Variants in DRC11 observed in about 807,000 individuals in gnomAD.
DRC11 encodes the protein dynein regulatory complex subunit 11.
chr2:236,435,666 C>T, the DRC11 span, among the ~76,000 whole-genome samples: 1 of 152,140 alleles, frequency 6.6e-6, no homozygotes, highest in Non-Finnish European at 1.5e-5. Flanking sequence ...CTTGTGAGAA[C>T]TCAGGATCAC....
At chr2:236,342,721 C>T in the DRC11 span, among the ~76,000 whole-genome samples, 1 of 152,160 alleles carries the variant, frequency 6.6e-6, no homozygotes, top group African/African-American at 2.4e-5. The surrounding 1 kb of genome is among the most constrained non-coding windows in gnomAD (Gnocchi z 5.8). Context: ...GGTGGAAATA[C>T]TGGGGGTGGG....
chr2:236,309,152 G>A, the DRC11 span, among the ~76,000 whole-genome samples: 1,088 of 152,270 alleles, frequency 7.1e-3, 11 homozygotes, highest in African/African-American at 0.024. This position sits in a 1 kb window ranked among gnomAD's most constrained non-coding sequence, Gnocchi z 5.7. Context: ...ATAAGCAGCC[G>A]CACAGTGGCC....
the DRC11 span, among the ~76,000 whole-genome samples, chr2:236,430,328 C>T: frequency 5.1e-4 from 77 of 152,130 alleles, no homozygotes; most frequent in African/African-American, 1.3e-3. This position sits in a 1 kb window ranked among gnomAD's most constrained non-coding sequence, Gnocchi z 6.0. Flanking sequence ...ATTTATTTTA[C>T]CTGCACTCTT....
chr2:236,465,773 C>A, the DRC11 span: 1 of 1,004,688 alleles, frequency 1.0e-6, no homozygotes. The surrounding 1 kb of genome is among the most constrained non-coding windows in gnomAD (Gnocchi z 6.2). Context: ...GTAAAAATAT[C>A]AGAAACTGAA....
At chr2:236,419,131 T>G in the DRC11 span, 6 of 1,511,672 alleles carry the variant, frequency 4.0e-6, no homozygotes, top group Non-Finnish European at 5.3e-6. The surrounding 1 kb of genome is among the most constrained non-coding windows in gnomAD (Gnocchi z 4.8). Context: ...TTTCTAAAAT[T>G]TCATACAAAT....
the DRC11 span, among the ~76,000 whole-genome samples, chr2:236,345,317 C>T: frequency 6.7e-6 from 1 of 148,956 alleles, no homozygotes; most frequent in Non-Finnish European, 1.5e-5. Context: ...CAAGTCCCCA[C>T]CCCCCCCAAC....
chr2:236,467,667 G>C, the DRC11 span, among the ~76,000 whole-genome samples: 1 of 152,116 alleles, frequency 6.6e-6, no homozygotes, highest in African/African-American at 2.4e-5. Flanking sequence ...CTGGAGTAAA[G>C]AAATGTCCAA....
the DRC11 span, among the ~76,000 whole-genome samples, chr2:236,393,312 TAAGGGAC>T: frequency 2.0e-5 from 3 of 152,132 alleles, no homozygotes; most frequent in Non-Finnish European, 2.9e-5. This position sits in a 1 kb window ranked among gnomAD's most constrained non-coding sequence, Gnocchi z 4.7. Flanking sequence ...TCCCAACCTC[TAAGGGAC>T]AAGGGCTGCC....
chr2:236,364,295 CT>C, the DRC11 span, among the ~76,000 whole-genome samples: 6,126 of 128,480 alleles, frequency 0.048, 320 homozygotes, highest in African/African-American at 0.14. Context: ...TTACCTCTGG[CT>C]TTTTTTTTTT....
At chr2:236,363,852 C>T in the DRC11 span, 1 of 1,613,816 alleles carries the variant, frequency 6.2e-7, no homozygotes, top group African/African-American at 1.3e-5. The surrounding 1 kb of genome is among the most constrained non-coding windows in gnomAD (Gnocchi z 5.6). Flanking sequence ...TAGAGGAGGA[C>T]AAGTTGAAGA....
the DRC11 span, among the ~76,000 whole-genome samples, chr2:236,489,963 C>A: frequency 6.6e-6 from 1 of 151,990 alleles, no homozygotes; most frequent in Non-Finnish European, 1.5e-5. Context: ...AGAAAAGCAC[C>A]AAAGCATAGG....
At chr2:236,418,667 T>A in the DRC11 span, among the ~76,000 whole-genome samples, 1 of 152,250 alleles carries the variant, frequency 6.6e-6, no homozygotes, top group Non-Finnish European at 1.5e-5. Flanking sequence ...TGACACTGTG[T>A]GAACTCTGAT....
the DRC11 span, among the ~76,000 whole-genome samples, chr2:236,500,082 AGATGATGATGATGAT>A: frequency 6.6e-6 from 1 of 150,478 alleles, no homozygotes; most frequent in Non-Finnish European, 1.5e-5. The surrounding 1 kb of genome is among the most constrained non-coding windows in gnomAD (Gnocchi z 6.3). Context: ...TTTTGGGTTC[AGATGATGATGATGAT>A]GATGATGATG....
At chr2:236,357,214 GTATA>G in the DRC11 span, among the ~76,000 whole-genome samples, 1 of 107,572 alleles carries the variant, frequency 9.3e-6, no homozygotes, top group Non-Finnish European at 1.7e-5. Context: ...TATTCATATA[GTATA>G]TATCTATTAT....
At chr2:236,355,234 GTGTC>G in the DRC11 span, among the ~76,000 whole-genome samples, 2 of 152,130 alleles carry the variant, frequency 1.3e-5, no homozygotes, top group Non-Finnish European at 2.9e-5. Context: ...CGCTAGTGAG[GTGTC>G]TGTCTGTGTT....
the DRC11 span, among the ~76,000 whole-genome samples, chr2:236,496,930 C>T: frequency 6.6e-6 from 1 of 152,118 alleles, no homozygotes; most frequent in Non-Finnish European, 1.5e-5. The surrounding 1 kb of genome is among the most constrained non-coding windows in gnomAD (Gnocchi z 6.3). Flanking sequence ...ACCACAGCCA[C>T]GACAGTGCCT....
chr2:236,493,681 TC>T, the DRC11 span: 6 of 1,089,752 alleles, frequency 5.5e-6, no homozygotes, highest in South Asian at 8.5e-5. Context: ...CTGAAAATAA[TC>T]TAAGTGTTGC....
At chr2:236,507,131 A>G in the DRC11 span, 14 of 870,470 alleles carry the variant, frequency 1.6e-5, no homozygotes, top group Non-Finnish European at 2.6e-5. Context: ...AAAGTGGGGG[A>G]GAGGAGGGAA....
the DRC11 span, among the ~76,000 whole-genome samples, chr2:236,470,942 C>T: frequency 6.6e-6 from 1 of 152,088 alleles, no homozygotes; most frequent in Admixed American, 6.5e-5. This position sits in a 1 kb window ranked among gnomAD's most constrained non-coding sequence, Gnocchi z 5.1. Flanking sequence ...TCTAGTTGTG[C>T]TTATAATTAA....
Sources: gnomAD v4.1 joint callset for allele counts (sites outside exome capture counted in the v4.1 genomes callset) on GRCh38, gnomAD v4.1.1 for gene constraint, Gnocchi (gnomAD v3.1) non-coding constraint, MANE v1.5 for transcripts, NCBI Gene and HGNC (gene_info 2026-07-23, HGNC 2026-07-21) for gene names.